The following HLA-F variants were observed in gnomAD, a reference collection of about 807,000 sequenced individuals.
HLA-F encodes HLA class I histocompatibility antigen, alpha chain F.
In HLA-F, 46 loss-of-function variants were observed where a neutral mutation model predicts 49.5. The observed-to-expected ratio is 0.93, with a 90% CI of 0.73 to 1.19. HLA-F has a LOEUF of 1.19. Ranked by LOEUF, HLA-F falls within the 50% of genes most tolerant of loss-of-function variation. The pLI is 0.00. For missense variants in HLA-F, 496 were observed against 579.6 expected (o/e 0.86, Z 1.48); for synonymous variants, 203 against 233.5 (o/e 0.87, Z 1.19).
chr6:29,725,503 C>T lies in HLA-F; in HGVS notation c.943C>T (p.Leu315Phe). 6.2e-7 allele frequency: 1 copy of T among 1,614,064 alleles called. No individual in the cohort carries two copies. Among genetic ancestry groups the T allele is most frequent in the Non-Finnish European group, 8.5e-7 (1 of 1,179,976 alleles). ...GGGCATCGTTGCTGGCCTTGTTGTC[C>T]TTGGAGCTGTGGTCACTGGAGCTGT... is the stretch of plus-strand genomic sequence containing the variant. ...IVGIVAGLVV[L>F]GAVVTGAVVA... The change falls in exon 5 of 7, where the codon CTT becomes TTT. Residue 315 changes from leucine (L) to phenylalanine (F), a missense_variant. Physicochemically the swap from Leu to Phe is conservative, Grantham distance 22. Coordinates refer to ENST00000259951, the MANE Select transcript of HLA-F (RefSeq NM_001098479.2).
Position 29,723,902 on chromosome 6 carries a change from C to T in HLA-F, c.309C>T (p.Leu103=). 1 of 1,594,470 alleles carries T rather than the reference C, an allele frequency of 6.3e-7. No individual in the cohort carries two copies. Among genetic ancestry groups the T allele is most frequent in the Non-Finnish European group, 8.5e-7 (1 of 1,170,452 alleles). The part of the protein sequence containing the change: ...QTDRVALRNL[L]RRYNQSEAGS... ...ACCGAGTGGCCCTGAGGAACCTGCT[C>T]CGCCGCTACAACCAGAGCGAGGCTG... is the stretch of plus-strand genomic sequence containing the variant. The change falls in exon 2 of 7, where the codon CTC becomes CTT. Residue 103 remains leucine, a synonymous_variant. Transcript: ENST00000259951.
In HLA-F at chr6:29,723,478, C is replaced by T. The variant is rs750462794; in HGVS notation, c.15C>T (p.Ser5=). The T allele has an allele frequency of 2.5e-5, 41 of 1,613,540 alleles. No homozygotes were observed. The highest frequency in any genetic ancestry group is 3.2e-5 in the Non-Finnish European group (38 of 1,179,982). MAPR[S]LLLLLSGALA... Reference sequence around the variant, plus strand: ...AGGTTGGGGTCATGGCGCCCCGAAGCCTCCTCCTGCTGCTCTCAGGGGCCC... The same window carrying T: ...AGGTTGGGGTCATGGCGCCCCGAAGTCTCCTCCTGCTGCTCTCAGGGGCCC... Residue 5 remains serine (S), a synonymous_variant, in exon 1 of 7, where the codon AGC becomes AGT. Coordinates refer to ENST00000259951, the MANE Select transcript of HLA-F (RefSeq NM_001098479.2).
chr6:29,731,633 C>T (rs529182269), downstream of HLA-F, among the ~76,000 whole-genome samples: 2 of 152,282 alleles, frequency 1.3e-5, no homozygotes, highest in African/African-American at 4.8e-5. Flanking sequence ...TTTCCCCGCT[C>T]AGTCACTCAC....
chr6:29,729,238 T>G (rs555267672), downstream of HLA-F: 1 of 152,198 alleles, frequency 6.6e-6, no homozygotes, highest in Non-Finnish European at 1.5e-5. Context: ...TTTATTTGAT[T>G]TTGATTTAAT....
At chr6:29,730,518 C>T (rs1776479576), downstream of HLA-F, among the ~76,000 whole-genome samples, 2 of 152,114 alleles carry the variant, frequency 1.3e-5, no homozygotes, top group Non-Finnish European at 2.9e-5. Flanking sequence ...GAATTGTACA[C>T]TGAAAAAGTG....
chr6:29,737,201 A>G (rs148371416), intron 3 of HLA-F, among the ~76,000 whole-genome samples: 1 of 132,158 alleles, frequency 7.6e-6, no homozygotes, highest in African/African-American at 2.9e-5. Flanking sequence ...ATGATATAGT[A>G]CCATCAATCC....
downstream of HLA-F, chr6:29,728,290 C>T: frequency 2.8e-6 from 1 of 355,720 alleles, no homozygotes; most frequent in South Asian, 2.1e-5. Context: ...CCACCCCAGT[C>T]ATCTCTCCCT....
chr6:29,723,995 T>G (rs2076179), intron 2 of HLA-F, 68 bp downstream of exon 2: 2 of 1,555,426 alleles, frequency 1.3e-6, no homozygotes, highest in African/African-American at 2.7e-5. Context: ...CCCGGGTCCC[T>G]CAGAGTCTCC....
intron 3 of HLA-F, chr6:29,735,674 A>G (rs1452543199): frequency 6.6e-6 from 1 of 151,976 alleles, no homozygotes; most frequent in African/African-American, 2.4e-5. Context: ...GCTGCTTAAA[A>G]TTTGTCAAGT....
At chr6:29,726,582 T>TGA in intron 6 of HLA-F, 1 of 1,506,592 alleles carries the variant, frequency 6.6e-7, no homozygotes, top group Non-Finnish European at 8.9e-7. Context: ...TGTGTGTGTG[T>TGA]GAAGAGAAAG....
At position 29,725,120 on chromosome 6, in the gene HLA-F, A is replaced by G. The variant is rs556745393; in HGVS notation, c.700A>G (p.Ile234Val). 1 of 1,614,016 alleles carries G rather than the reference A, an allele frequency of 6.2e-7. No individual in the cohort carries two copies. The highest frequency in any genetic ancestry group is 1.7e-5 in the Admixed American group (1 of 60,018). Residue 234 changes from isoleucine (I) to valine (V), a missense_variant, in exon 4 of 7, where the codon ATC becomes GTC. By Grantham distance (29) the Ile-to-Val change is conservative (BLOSUM62 3). Coordinates refer to ENST00000259951, the MANE Select transcript of HLA-F (RefSeq NM_001098479.2). ...GGCCCTGGGCTTCTACCCTGCGGAG[A>G]TCACGCTGACCTGGCAGCGGGATGG... ...CWALGFYPAE[I>V]TLTWQRDGEE...
chr6:29,732,783 T>C (rs1013389685), intron 3 of HLA-F, among the ~76,000 whole-genome samples: 3 of 152,258 alleles, frequency 2.0e-5, no homozygotes, highest in African/African-American at 7.2e-5. Context: ...GTTTACAACA[T>C]GGAAAACTAC....
chr6:29,731,697 A>G (rs886725389), downstream of HLA-F, among the ~76,000 whole-genome samples: 3 of 151,426 alleles, frequency 2.0e-5, no homozygotes, highest in African/African-American at 7.3e-5. Flanking sequence ...ATAATGTTAT[A>G]CCAGCTATCT....
downstream of HLA-F, among the ~76,000 whole-genome samples, chr6:29,730,957 T>G (rs1012800649): frequency 2.6e-5 from 4 of 152,146 alleles, no homozygotes; most frequent in Non-Finnish European, 5.9e-5. Flanking sequence ...GACTCCCACA[T>G]GCACCTGCTC....
chr6:29,733,786 C>G (rs926504355), intron 3 of HLA-F, among the ~76,000 whole-genome samples: 1 of 152,178 alleles, frequency 6.6e-6, no homozygotes, highest in Admixed American at 6.5e-5. Context: ...TTGGTTACAG[C>G]GTTTAGCTGA....
In HLA-F at chr6:29,727,016, G is replaced by A. The variant is rs1583269445; in HGVS notation, c.1170G>A (p.Met390Ile). 2 of 1,613,550 alleles carry A rather than the reference G, an allele frequency of 1.2e-6. No individual in the cohort carries two copies. The highest frequency in any genetic ancestry group is 1.7e-6 in the Non-Finnish European group (2 of 1,180,042). The change falls in exon 7 of 7, where the codon ATG becomes ATA. Residue 390 changes from methionine to isoleucine, a missense_variant. Coordinates refer to ENST00000259951, the MANE Select transcript of HLA-F (RefSeq NM_001098479.2). ...TGGGCCGCCGGAAGGTGGGTGACAT[G>A]TGGATCTTGTTTTTTTTGTGGCTGT... ...SVLGRRKVGD[M>I]WILFFLWLWT...
rs924118547 is a variant in HLA-F at position 29,724,454 on chromosome 6, A to T, written c.610+6A>T. ...GGAGACGCTACAGCGCGCAGGTACC[A>T]GGGGCCATGGGCGCCTTCCCTATCT... On this transcript the variant is annotated splice_donor_region_variant and intron_variant, in intron 3 of 6. Coordinates refer to ENST00000259951, the MANE Select transcript of HLA-F (RefSeq NM_001098479.2). The T allele has an allele frequency of 6.2e-7, 1 of 1,612,304 alleles. No homozygotes were observed. Among genetic ancestry groups the T allele is most frequent in the Non-Finnish European group, 8.5e-7 (1 of 1,179,312 alleles).
chr6:29,726,199 T>C (rs1160759026), intron 6 of HLA-F, 156 bp downstream of exon 6: 4 of 936,042 alleles, frequency 4.3e-6, no homozygotes, highest in African/African-American at 1.6e-5. Context: ...TGCCCAGGGC[T>C]CTGGGGTGTC....
Position 29,724,552 on chromosome 6 carries a change from C to T in HLA-F, c.610+104C>T, listed in dbSNP as rs535723133. ...GACCCAATGCTAGGATATCGCCCTC[C>T]CTCTAGTCCTGAGTAGGAAGAATCT... On this transcript the variant is annotated intron_variant, in intron 3 of 6. Transcript: ENST00000259951. 9.0e-5 allele frequency: 107 copies of T among 1,188,626 alleles called. No individual in the cohort carries two copies. The African/African-American group carries it at 1.5e-3, about 16-fold the overall frequency. The allele number at this position is 1,188,626 out of a possible 1,614,324, so 73.6% of individuals were successfully genotyped here. A position where few individuals can be genotyped will look rare whatever the true frequency, so the allele number is the denominator to read the frequency against.
Sources: gnomAD v4.1 joint callset for allele counts (sites outside exome capture counted in the v4.1 genomes callset) on GRCh38, gnomAD v4.1.1 for gene constraint, MANE v1.5 for transcripts, NCBI Gene and HGNC (gene_info 2026-07-23, HGNC 2026-07-21) for gene names.